PCCA: variants seen among roughly 807,000 people sequenced by gnomAD.
PCCA encodes propionyl-CoA carboxylase subunit alpha.
Under a neutral mutation model 101.3 loss-of-function variants are expected in PCCA, and 74 were observed. That is an observed-to-expected ratio of 0.73 (90% CI 0.61 to 0.89). PCCA has a LOEUF of 0.89. PCCA is among the 40% of genes least tolerant of loss of function. The probability of loss-of-function intolerance (pLI) is 0.00; values close to 1 mark genes in which losing one functional copy is unlikely to be tolerated. For missense variants in PCCA, 891 were observed against 907.0 expected (o/e 0.98, Z 0.23); for synonymous variants, 294 against 313.6 (o/e 0.94, Z 0.66).
rs760936900 is a variant in PCCA, at chr13:100,262,723, T to C, written c.717-6T>C. Reference sequence around the variant, plus strand: ...CCCTCCTCCTTCTTCCTTCTTTTTTTCACAGGGATGGTTTTAGATTGTCAT... The same window carrying C: ...CCCTCCTCCTTCTTCCTTCTTTTTTCCACAGGGATGGTTTTAGATTGTCAT... On this transcript the variant is annotated splice_polypyrimidine_tract_variant and splice_region_variant and intron_variant, in intron 9 of 23. Transcript: ENST00000376285. 6.7e-7 allele frequency: 1 copy of C among 1,485,020 alleles called. No individual in the cohort carries two copies. Among genetic ancestry groups the C allele is most frequent in the Non-Finnish European group, 9.4e-7 (1 of 1,063,762 alleles). 92.0% of individuals were successfully genotyped at this position (1,485,020 alleles called of 1,614,324 possible). A position where few individuals can be genotyped will look rare whatever the true frequency, so the allele number is the denominator to read the frequency against.
chr13:100,226,568 G>A (rs2060154956), intron 7 of PCCA, among the ~76,000 whole-genome samples: 1 of 152,142 alleles, frequency 6.6e-6, no homozygotes, highest in Admixed American at 6.5e-5. Flanking sequence ...GCGCTTCCTT[G>A]TGTTTTGCCC....
chr13:100,454,153 C>T (rs920986307), intron 21 of PCCA, among the ~76,000 whole-genome samples: 3 of 151,788 alleles, frequency 2.0e-5, no homozygotes, highest in Admixed American at 6.6e-5. Flanking sequence ...GGATTACAGG[C>T]GTGAGCCACC....
intron 21 of PCCA, among the ~76,000 whole-genome samples, chr13:100,480,567 A>G (rs547651425): frequency 6.6e-6 from 1 of 152,316 alleles, no homozygotes; most frequent in South Asian, 2.1e-4. Flanking sequence ...GATGGCTAAG[A>G]GGGATAAAGG....
intron 6 of PCCA, among the ~76,000 whole-genome samples, chr13:100,193,574 A>G (rs1263459469): frequency 6.6e-6 from 1 of 152,216 alleles, no homozygotes; most frequent in African/African-American, 2.4e-5. Context: ...TTTTGTTAGT[A>G]TCATTATATT....
intron 12 of PCCA, among the ~76,000 whole-genome samples, chr13:100,291,433 T>C (rs2065112097): frequency 6.6e-6 from 1 of 152,250 alleles, no homozygotes; most frequent in South Asian, 2.1e-4. Context: ...AGGGGATGTG[T>C]GTGCACATGC....
At chr13:100,116,498 A>G (rs887926514) in intron 4 of PCCA, among the ~76,000 whole-genome samples, 12 of 152,204 alleles carry the variant, frequency 7.9e-5, no homozygotes, top group Non-Finnish European at 7.3e-5. Flanking sequence ...AGAGATGATT[A>G]TGCAGTTTAC....
intron 22 of PCCA, among the ~76,000 whole-genome samples, chr13:100,516,736 C>CGTGTCTGT (rs2086850035): frequency 6.9e-6 from 1 of 144,972 alleles, no homozygotes; most frequent in African/African-American, 2.5e-5. Context: ...AGAAAAATTA[C>CGTGTCTGT]GTGTGTGTGT....
At chr13:100,168,561 A>G (rs1341286792) in intron 6 of PCCA, among the ~76,000 whole-genome samples, 2 of 152,182 alleles carry the variant, frequency 1.3e-5, no homozygotes, top group Non-Finnish European at 2.9e-5. Flanking sequence ...AACCAAAGAG[A>G]ATTATTAGCT....
At chr13:100,530,050 G>T in intron 23 of PCCA, 48 bp from the exon 24 acceptor site, 1 of 1,445,084 alleles carries the variant, frequency 6.9e-7, no homozygotes, top group South Asian at 1.1e-5. Context: ...CTTGGTTCTG[G>T]TTACTAATTC....
At chr13:100,516,072 C>A (rs2086811617) in intron 22 of PCCA, among the ~76,000 whole-genome samples, 2 of 152,216 alleles carry the variant, frequency 1.3e-5, no homozygotes, top group Admixed American at 1.3e-4. Flanking sequence ...TGAAGTTTTT[C>A]ATCTTGATCT....
intron 20 of PCCA, among the ~76,000 whole-genome samples, chr13:100,445,060 T>A (rs181333466): frequency 9.2e-5 from 14 of 152,248 alleles, no homozygotes; most frequent in Admixed American, 8.5e-4. Context: ...CTCAGGCTGC[T>A]TTTATTCATG....
intron 16 of PCCA, among the ~76,000 whole-genome samples, chr13:100,325,413 ATGT>A (rs386773866): frequency 0.3 from 45,420 of 152,092 alleles, 8,169 homozygotes; most frequent in Middle Eastern, 0.46. Flanking sequence ...TGAAGACAAA[ATGT>A]GAAGGGGAAG....
chr13:100,329,314 A>G (rs2069187297), intron 16 of PCCA, among the ~76,000 whole-genome samples: 1 of 152,120 alleles, frequency 6.6e-6, no homozygotes, highest in African/African-American at 2.4e-5. Flanking sequence ...AGCAGAGACA[A>G]CTTGCAACAT....
intron 21 of PCCA, 126 bp from the exon 22 acceptor site, chr13:100,515,301 C>G (rs2086751640): frequency 1.2e-6 from 1 of 815,390 alleles, no homozygotes; most frequent in African/African-American, 1.7e-5. Flanking sequence ...AATTGAGAAC[C>G]ATTTGAATTT....
At chr13:100,280,259 G>T in intron 12 of PCCA, among the ~76,000 whole-genome samples, 1 of 149,546 alleles carries the variant, frequency 6.7e-6, no homozygotes, top group Non-Finnish European at 1.5e-5. Flanking sequence ...CTGGTTTTCT[G>T]TTGCTTAAAG....
At chr13:100,198,860 A>G (rs576463703) in intron 6 of PCCA, among the ~76,000 whole-genome samples, 81 of 152,224 alleles carry the variant, frequency 5.3e-4, no homozygotes, top group African/African-American at 1.9e-3. Context: ...CACTTTGTAC[A>G]AAATGAGAAT....
At chr13:100,154,446 A>G (rs1386122130) in intron 4 of PCCA, 1 of 155,206 alleles carries the variant, frequency 6.4e-6, no homozygotes, top group Admixed American at 6.3e-5. Context: ...GATTCTCAAG[A>G]TTTTCTGGTT....
At chr13:100,301,382 CT>C in intron 12 of PCCA, 77 bp from the exon 13 acceptor site, 1 of 1,534,726 alleles carries the variant, frequency 6.5e-7, no homozygotes, top group South Asian at 1.1e-5. Context: ...TACCCAAAAA[CT>C]TTTGTGATTT....
In PCCA at chr13:100,409,436, G is replaced by GA. The variant is rs1031329402; in HGVS notation, c.1747-16190dup. Among the ~76,000 whole-genome samples the GA allele has an allele frequency of 1.3e-4, 19 of 151,978 alleles. No individual in the cohort carries two copies. The Middle Eastern group carries it at 0.01, about 82-fold the overall frequency. ...GGCAGGGTTTTATAGGGTGAAAAGG[G>GA]AAAAAAAGGGGGAACAGGGACTCAG... On this transcript the variant is annotated intron_variant, in intron 19 of 23. Transcript: ENST00000376285.
Sources: allele counts gnomAD v4.1 joint callset (sites outside exome capture counted in the v4.1 genomes callset), GRCh38; gene constraint gnomAD v4.1.1; transcripts MANE v1.5; gene names NCBI Gene and HGNC (gene_info 2026-07-23, HGNC 2026-07-21).